The following HEPHL1 variants were observed in gnomAD, a reference collection of about 807,000 sequenced individuals.
The protein encoded by HEPHL1 is hephaestin like 1, also known as ferroxidase HEPHL1.
In HEPHL1, 123 loss-of-function variants were observed where a neutral mutation model predicts 122.0. The ratio of observed to expected loss-of-function variants is 1.01; its 90% CI spans 0.87 to 1.17. The LOEUF (loss-of-function observed/expected upper bound fraction) is 1.17, where lower values mean the gene tolerates loss of function less well. Ranked by LOEUF, HEPHL1 falls within the 50% of genes most tolerant of loss-of-function variation. The probability of loss-of-function intolerance (pLI) is 0.00; values close to 1 mark genes in which losing one functional copy is unlikely to be tolerated. For missense variants in HEPHL1, 1,452 were observed against 1,430.5 expected, an observed-to-expected ratio of 1.01 and a Z score of -0.24; for synonymous variants, 527 against 508.9, an observed-to-expected ratio of 1.04 and a Z score of -0.48.
At chr11:94,097,121 T>A (rs1013415576) in intron 13 of HEPHL1, among the ~76,000 whole-genome samples, 3 of 152,246 alleles carry the variant, frequency 2.0e-5, no homozygotes, top group Non-Finnish European at 4.4e-5. Flanking sequence ...AGTGTGTCAA[T>A]TTTAGATCTT....
At chr11:94,031,333 C>T (rs1348299199) in intron 1 of HEPHL1, among the ~76,000 whole-genome samples, 1 of 48,562 alleles carries the variant, frequency 2.1e-5, no homozygotes, top group Non-Finnish European at 3.8e-5. Context: ...TGCATTGTTA[C>T]ACACACACAC....
In HEPHL1 at chr11:94,112,890, A is replaced by G. The variant is rs1946462817; in HGVS notation, c.*996A>G. ...AATTATAACATTCTCATTGTATGAG[A>G]AACATCAGGAGGAATTTATCAATGT... On this transcript the variant is annotated 3_prime_UTR_variant, in exon 20 of 20. Transcript: ENST00000315765. 2.6e-5 allele frequency: 4 copies of G among 152,168 alleles called. No individual in the cohort carries two copies. The highest frequency in any genetic ancestry group is 2.6e-4 in the Admixed American group (4 of 15,278). 9.4% of individuals were successfully genotyped at this position (152,168 alleles called of 1,614,324 possible). A position where few individuals can be genotyped will look rare whatever the true frequency, so the allele number is the denominator to read the frequency against.
At chr11:94,030,581 GAA>G (rs1945665533) in intron 1 of HEPHL1, among the ~76,000 whole-genome samples, 2 of 152,198 alleles carry the variant, frequency 1.3e-5, no homozygotes, top group South Asian at 4.1e-4. Context: ...AAAGGGAAGA[GAA>G]GAGGAGAAAA....
intron 12 of HEPHL1, among the ~76,000 whole-genome samples, chr11:94,093,255 C>T (rs957200454): frequency 1.3e-5 from 2 of 151,986 alleles, no homozygotes; most frequent in African/African-American, 4.8e-5. Context: ...AGATTACAAC[C>T]GTGATTTCCA....
intron 8 of HEPHL1, among the ~76,000 whole-genome samples, chr11:94,074,656 A>T (rs1346934926): frequency 6.6e-6 from 1 of 152,138 alleles, no homozygotes; most frequent in Non-Finnish European, 1.5e-5. Context: ...AATCAGACAA[A>T]AACTGAGTTT....
At chr11:94,064,801 C>A (rs910525830) in intron 4 of HEPHL1, among the ~76,000 whole-genome samples, 2 of 152,070 alleles carry the variant, frequency 1.3e-5, no homozygotes, top group African/African-American at 4.8e-5. Context: ...AGAATCGGTG[C>A]CTGAGGTGAG....
intron 2 of HEPHL1, among the ~76,000 whole-genome samples, chr11:94,050,314 A>G (rs1945878540): frequency 6.6e-6 from 1 of 152,146 alleles, no homozygotes; most frequent in Non-Finnish European, 1.5e-5. Context: ...ACCAGTCTGT[A>G]TACCTTTACG....
In HEPHL1 at chr11:94,111,046, C is replaced by T. The variant is rs766606474; in HGVS notation, c.3189C>T (p.Tyr1063=). The change falls in exon 18 of 20, where the codon TAC becomes TAT. Residue 1063 remains tyrosine, a synonymous_variant. Coordinates refer to ENST00000315765, the MANE Select transcript of HEPHL1 (RefSeq NM_001098672.2). ...DHIHAGMETT[Y]TVLRNIDNRI... ...TCCATGCTGGCATGGAGACAACCTA[C>T]ACGGTCCTTCGTAACATAGGTACGG... 1.3e-6 allele frequency: 2 copies of T among 1,597,860 alleles called. No homozygotes were observed. Among genetic ancestry groups the T allele is most frequent in the African/African-American group, 2.7e-5 (2 of 74,678 alleles).
chr11:94,086,608 C>T (rs1946220405), intron 11 of HEPHL1, among the ~76,000 whole-genome samples: 1 of 152,212 alleles, frequency 6.6e-6, no homozygotes. Flanking sequence ...GCCATAACTG[C>T]AGCCTGGTCT....
intron 9 of HEPHL1, among the ~76,000 whole-genome samples, chr11:94,079,440 C>T (rs750884466): frequency 7.2e-5 from 11 of 152,074 alleles, no homozygotes; most frequent in Non-Finnish European, 1.3e-4. Context: ...AGCTTTTATA[C>T]CACTGCCTTC....
Position 94,063,494 on chromosome 11 carries a change from T to A in HEPHL1, c.416-14T>A, listed in dbSNP as rs1946003909. ...CTATGTTTTACCTTTTTTTTTAATT[T>A]TATTTTTTGGAAGGAGCCCTATACC... On this transcript the variant is annotated splice_polypyrimidine_tract_variant and intron_variant, in intron 2 of 19. Transcript: ENST00000315765. 6.4e-7 allele frequency: 1 copy of A among 1,557,726 alleles called. No individual in the cohort carries two copies. Among genetic ancestry groups the A allele is most frequent in the African/African-American group, 1.4e-5 (1 of 72,976 alleles).
chr11:94,055,978 CT>C, intron 2 of HEPHL1: 1 of 1,268,694 alleles, frequency 7.9e-7, no homozygotes, highest in Non-Finnish European at 1.1e-6. Flanking sequence ...GCCATGTTTC[CT>C]TCTGCTGGAC....
At chr11:94,107,030 G>A (rs555354454) in intron 17 of HEPHL1, among the ~76,000 whole-genome samples, 6 of 152,176 alleles carry the variant, frequency 3.9e-5, no homozygotes, top group Non-Finnish European at 2.9e-5. Flanking sequence ...TGCCAGGCCC[G>A]ACCCAGACCT....
chr11:94,028,349 T>G (rs1945644512), intron 1 of HEPHL1, among the ~76,000 whole-genome samples: 2 of 152,214 alleles, frequency 1.3e-5, no homozygotes, highest in Admixed American at 1.3e-4. Flanking sequence ...CTCTAAAAGA[T>G]GCAGAGGTCA....
chr11:94,069,730 T>A (rs1946059694), intron 5 of HEPHL1, among the ~76,000 whole-genome samples: 1 of 152,166 alleles, frequency 6.6e-6, no homozygotes, highest in Non-Finnish European at 1.5e-5. Flanking sequence ...CCCACCAATT[T>A]TTTTGCTATT....
At chr11:94,035,733 CTTTTA>C (rs796214924) in intron 1 of HEPHL1, among the ~76,000 whole-genome samples, 5 of 152,072 alleles carry the variant, frequency 3.3e-5, no homozygotes, top group Admixed American at 2.0e-4. Context: ...ATGAAAGTCT[CTTTTA>C]TTTTATTTTA....
chr11:94,113,305 G>C lies in HEPHL1; in HGVS notation c.*1411G>C, dbSNP rs952639488. Reference sequence around the variant, plus strand: ...ATACTGGTATGCCTGCCTTAGCAGTGGGTAATTTGAATGTCAAAGTGAGTG... The same window carrying C: ...ATACTGGTATGCCTGCCTTAGCAGTCGGTAATTTGAATGTCAAAGTGAGTG... On this transcript the variant is annotated 3_prime_UTR_variant, in exon 20 of 20. Coordinates refer to ENST00000315765, the MANE Select transcript of HEPHL1 (RefSeq NM_001098672.2). The C allele has an allele frequency of 2.0e-5, 3 of 152,202 alleles. No individual in the cohort carries two copies. Among genetic ancestry groups the C allele is most frequent in the African/African-American group, 7.2e-5 (3 of 41,458 alleles). 9.4% of individuals were successfully genotyped at this position (152,202 alleles called of 1,614,324 possible).
rs551643876 is a variant in HEPHL1, at chr11:94,093,607, C to T, written c.2401C>T (p.Arg801Ter). 27 of 1,613,342 alleles carry T rather than the reference C, an allele frequency of 1.7e-5. No individual in the cohort carries two copies. The highest frequency in any genetic ancestry group is 2.2e-5 in the South Asian group (2 of 91,006). The change falls in exon 13 of 20, where the codon CGA becomes TGA. Residue 801 changes from arginine to a stop codon, truncating the protein, a stop_gained. Transcript: ENST00000315765. LOFTEE classifies it high-confidence loss of function. Reference protein sequence around the residue: ...TDGEFVEIKARPPREEHLELL... With the variant: ...TDGEFVEIKA ...TGGAGAATTTGTGGAGATCAAAGCC[C>T]GACCACCACGAGAGGAGCACTTAGA... is the stretch of plus-strand genomic sequence containing the variant.
chr11:94,082,814 C>T (rs935469816), intron 10 of HEPHL1, among the ~76,000 whole-genome samples: 6 of 152,044 alleles, frequency 3.9e-5, no homozygotes, highest in South Asian at 2.1e-4. Context: ...TTTAAACTAG[C>T]GGCCAGGCAC....
Sources: gnomAD v4.1 joint callset for allele counts (sites outside exome capture counted in the v4.1 genomes callset) on GRCh38, gnomAD v4.1.1 for gene constraint, MANE v1.5 for transcripts, NCBI Gene and HGNC (gene_info 2026-07-23, HGNC 2026-07-21) for gene names.